Variants in IKZF3 observed in about 807,000 individuals in gnomAD.
IKZF3 encodes the protein zinc finger protein Aiolos.
Under a neutral mutation model 49.0 loss-of-function variants are expected in IKZF3, and 10 were observed. That is an observed-to-expected ratio of 0.20 (90% CI 0.13 to 0.35). The LOEUF is 0.35. IKZF3 is among the 10% of genes least tolerant of loss of function. The pLI is 1.00. For missense variants in IKZF3, 498 were observed against 664.8 expected, an observed-to-expected ratio of 0.75 and a Z score of 2.76; for synonymous variants, 209 against 228.2, an observed-to-expected ratio of 0.92 and a Z score of 0.76.
intron 6 of IKZF3, among the ~76,000 whole-genome samples, chr17:39,785,952 C>T (rs1339474641): frequency 1.3e-5 from 2 of 152,132 alleles, no homozygotes. Context: ...AAGGAGCCGA[C>T]ACAAAAGGCC....
chr17:39,815,814 A>G (rs539476165), intron 3 of IKZF3, among the ~76,000 whole-genome samples: 2 of 152,322 alleles, frequency 1.3e-5, no homozygotes, highest in East Asian at 3.9e-4. Context: ...AGAACTCTGA[A>G]TTTCTTCATT....
chr17:39,794,763 C>G (rs2061120701), intron 3 of IKZF3, among the ~76,000 whole-genome samples: 1 of 152,156 alleles, frequency 6.6e-6, no homozygotes, highest in African/African-American at 2.4e-5. Context: ...TAGGTCTTCC[C>G]TGCTTTCAAG....
At chr17:39,779,189 G>A (rs937281346) in intron 6 of IKZF3, among the ~76,000 whole-genome samples, 7 of 152,144 alleles carry the variant, frequency 4.6e-5, no homozygotes, top group Non-Finnish European at 8.8e-5. Context: ...GGCCAGGCAC[G>A]GTGGCTCACG....
intron 3 of IKZF3, among the ~76,000 whole-genome samples, chr17:39,794,316 A>G (rs774309107): frequency 6.6e-6 from 1 of 152,206 alleles, no homozygotes; most frequent in Non-Finnish European, 1.5e-5. Flanking sequence ...CCTCCCATCA[A>G]TGGTGTAAAT....
intron 5 of IKZF3, among the ~76,000 whole-genome samples, chr17:39,789,816 G>A (rs1386529428): frequency 3.3e-5 from 5 of 150,594 alleles, no homozygotes; most frequent in African/African-American, 1.2e-4. Context: ...CAGGAGAATC[G>A]CTTGAACCTG....
chr17:39,765,617 G>C lies in IKZF3; in HGVS notation c.*173C>G. On this transcript the variant is annotated 3_prime_UTR_variant, in exon 8 of 8. Coordinates refer to ENST00000346872, the MANE Select transcript of IKZF3 (RefSeq NM_012481.5). ...AAAAGTAATAATATGCTAGACCTGC[G>C]AATAATTTCTGAAGGAAGACAGTGT... 1 of 554,756 alleles carries C rather than the reference G, an allele frequency of 1.8e-6. No individual in the cohort carries two copies. Among genetic ancestry groups the C allele is most frequent in the Non-Finnish European group, 3.2e-6 (1 of 314,778 alleles). The allele number at this position is 554,756 out of a possible 1,614,324, so 34.4% of individuals were successfully genotyped here.
rs550934532 is a variant in IKZF3 at position 39,850,858 on chromosome 17, C to A, written c.7+13262G>T. Reference sequence around the variant, plus strand: ...TAGTATATATAATATATAATATGCTCTATAGTATATATACATATATAATAT... The same window carrying A: ...TAGTATATATAATATATAATATGCTATATAGTATATATACATATATAATAT... On this transcript the variant is annotated intron_variant, in intron 1 of 7. Coordinates refer to ENST00000346872, the MANE Select transcript of IKZF3 (RefSeq NM_012481.5). 9.4e-3 allele frequency among the ~76,000 whole-genome samples: 785 copies of A among 83,818 alleles called. 11 individuals are homozygous for A. The highest frequency in any genetic ancestry group is 0.029 in the African/African-American group (727 of 25,162). The allele number at this position is 83,818 out of a possible 152,430, so 55.0% of individuals were successfully genotyped here. A position where few individuals can be genotyped will look rare whatever the true frequency, so the allele number is the denominator to read the frequency against.
intron 3 of IKZF3, among the ~76,000 whole-genome samples, chr17:39,793,370 T>C (rs368959396): frequency 1.2e-4 from 19 of 152,354 alleles, no homozygotes; most frequent in Admixed American, 9.1e-4. Flanking sequence ...ATCCTTCAGA[T>C]GCATCCAGTG....
chr17:39,859,528 A>G (rs76212800), intron 1 of IKZF3, among the ~76,000 whole-genome samples: 5,585 of 151,888 alleles, frequency 0.037, 336 homozygotes, highest in African/African-American at 0.13. Flanking sequence ...AGCTGTTACT[A>G]CAGGCATGTG....
intron 4 of IKZF3, among the ~76,000 whole-genome samples, chr17:39,792,178 G>A (rs1030169759): frequency 5.3e-5 from 8 of 152,160 alleles, no homozygotes; most frequent in African/African-American, 1.9e-4. Context: ...TGAGATATGG[G>A]ATGGAATCGA....
At chr17:39,840,146 G>T (rs2062423157) in intron 1 of IKZF3, among the ~76,000 whole-genome samples, 1 of 152,214 alleles carries the variant, frequency 6.6e-6, no homozygotes, top group Non-Finnish European at 1.5e-5. Context: ...CTTTGCAGAA[G>T]TATAAATCTG....
chr17:39,766,373 C>T lies in IKZF3; in HGVS notation c.947G>A (p.Gly316Asp), dbSNP rs757423003. 1 of 1,614,168 alleles carries T rather than the reference C, an allele frequency of 6.2e-7. No homozygotes were observed. The highest frequency in any genetic ancestry group is 8.5e-7 in the Non-Finnish European group (1 of 1,180,028). The change falls in exon 8 of 8, where the codon GGC becomes GAC. Residue 316 changes from glycine to aspartate, a missense_variant. By Grantham distance (94) the Gly-to-Asp change is moderately conservative. This residue lies in a region of IKZF3 where 317 missense variants were observed against 397.3 expected (regional missense o/e 0.80). Coordinates refer to ENST00000346872, the MANE Select transcript of IKZF3 (RefSeq NM_012481.5). ...GACCAAGGGGCGCAGGGCTTCGGCG[C>T]CAAGATAGCTGATGGCGTTATTGAT... ...QAINNAISYLGAEALRPLVQT... is the reference protein window; with the variant it reads ...QAINNAISYLDAEALRPLVQT...
intron 3 of IKZF3, among the ~76,000 whole-genome samples, chr17:39,808,408 G>A (rs1302439007): frequency 2.6e-5 from 4 of 152,082 alleles, no homozygotes; most frequent in Non-Finnish European, 5.9e-5. Context: ...TTTTATTATC[G>A]ATTTCAGACA....
At chr17:39,797,816 A>G (rs1007228721) in intron 3 of IKZF3, among the ~76,000 whole-genome samples, 1 of 151,782 alleles carries the variant, frequency 6.6e-6, no homozygotes, top group Non-Finnish European at 1.5e-5. Flanking sequence ...TGCATCCTAA[A>G]TACTGTCCTT....
chr17:39,860,456 T>C (rs554348239), intron 1 of IKZF3, among the ~76,000 whole-genome samples: 1 of 152,340 alleles, frequency 6.6e-6, no homozygotes, highest in South Asian at 2.1e-4. Flanking sequence ...TCATATTCAA[T>C]GGATATTTTA....
chr17:39,774,110 C>G (rs879890864), intron 7 of IKZF3, among the ~76,000 whole-genome samples: 4 of 152,190 alleles, frequency 2.6e-5, no homozygotes, highest in Non-Finnish European at 5.9e-5. Context: ...ATGCAAAATG[C>G]TCCCTACTGG....
chr17:39,803,771 C>T (rs1179326068), intron 3 of IKZF3, among the ~76,000 whole-genome samples: 3 of 152,092 alleles, frequency 2.0e-5, no homozygotes, highest in Non-Finnish European at 2.9e-5. Context: ...CCTCGGCCTC[C>T]CAAAGTGCTA....
intron 7 of IKZF3, among the ~76,000 whole-genome samples, chr17:39,777,209 C>T (rs2143709095): frequency 6.6e-6 from 1 of 152,294 alleles, no homozygotes; most frequent in Non-Finnish European, 1.5e-5. Flanking sequence ...AAAGCCAATT[C>T]TCAAATTCAA....
chr17:39,811,387 GAAGA>G (rs377445744), intron 3 of IKZF3, among the ~76,000 whole-genome samples: 16 of 133,064 alleles, frequency 1.2e-4, no homozygotes, highest in African/African-American at 4.5e-4. Context: ...AGGAAGGAAG[GAAGA>G]AAGGACGGAA....
Sources: allele counts gnomAD v4.1 joint callset (sites outside exome capture counted in the v4.1 genomes callset), GRCh38; gene constraint gnomAD v4.1.1; regional missense constraint gnomAD v4.1.1; transcripts MANE v1.5; gene names NCBI Gene and HGNC (gene_info 2026-07-23, HGNC 2026-07-21).